CIITA: variants seen among roughly 807,000 people sequenced by gnomAD.
CIITA encodes the protein class II major histocompatibility complex transactivator.
In CIITA, 72 loss-of-function variants were observed where a neutral mutation model predicts 115.1. The observed-to-expected ratio is 0.63, with a 90% CI of 0.52 to 0.76. CIITA has a LOEUF of 0.76. Ranked by LOEUF, CIITA falls within the 30% of genes least tolerant of loss-of-function variation. The pLI, the probability that CIITA is intolerant of heterozygous loss-of-function variation, is 0.00. For synonymous variants in CIITA, 763 were observed against 635.6 expected (o/e 1.20, Z -3.02); for missense variants, 1,617 against 1,463.8 (o/e 1.10, Z -1.71).
intron 3 of CIITA, among the ~76,000 whole-genome samples, chr16:10,897,212 G>A (rs928425735): frequency 6.6e-6 from 1 of 152,190 alleles, no homozygotes; most frequent in Non-Finnish European, 1.5e-5. Flanking sequence ...CCAAGGTTAG[G>A]GGCTGCATCT....
chr16:10,883,166 G>A (rs780429423), intron 1 of CIITA, among the ~76,000 whole-genome samples: 1 of 152,106 alleles, frequency 6.6e-6, no homozygotes, highest in Non-Finnish European at 1.5e-5. Context: ...CTGGAGTGTG[G>A]GGCCTGGCTT....
chr16:10,910,156 C>T (rs2144799568), intron 12 of CIITA, 32 bp from the exon 13 acceptor site: 1 of 1,599,498 alleles, frequency 6.3e-7, no homozygotes, highest in Middle Eastern at 1.7e-4. Flanking sequence ...ACAGCAGTGC[C>T]TGCTCCCCCT....
chr16:10,891,042 TCTGA>T (rs552386053), intron 1 of CIITA, among the ~76,000 whole-genome samples: 1 of 152,284 alleles, frequency 6.6e-6, no homozygotes, highest in Admixed American at 6.5e-5. Context: ...AATTTATTTC[TCTGA>T]CTGTGTGCTT....
Position 10,891,655 on chromosome 16 carries a change from G to A in CIITA, c.53-3627G>A, listed in dbSNP as rs531346736. 2.6e-5 allele frequency among the ~76,000 whole-genome samples: 4 copies of A among 152,284 alleles called. No individual in the cohort carries two copies. The East Asian group carries it at 5.8e-4, about 22-fold the overall frequency. On this transcript the variant is annotated intron_variant, in intron 1 of 19. Coordinates refer to ENST00000324288, the MANE Select transcript of CIITA (RefSeq NM_000246.4). ...AATAAAGAGCATGGGTGGAATGGGA[G>A]GCGGGCATCAGGCAGGAGCTGGGGC...
chr16:10,872,715 A>C (rs773633405), upstream of CIITA, among the ~76,000 whole-genome samples: 5 of 152,142 alleles, frequency 3.3e-5, no homozygotes, highest in Non-Finnish European at 7.4e-5. Flanking sequence ...CTATCTCCCT[A>C]TTCACCGATC....
intron 1 of CIITA, among the ~76,000 whole-genome samples, chr16:10,892,631 C>T (rs1216467057): frequency 1.3e-5 from 2 of 152,104 alleles, no homozygotes; most frequent in Non-Finnish European, 2.9e-5. Context: ...AGGGTCTTTG[C>T]AGATAGAATT....
intron 1 of CIITA, 72 bp downstream of exon 1, chr16:10,877,454 G>T: frequency 6.7e-7 from 1 of 1,488,672 alleles, no homozygotes; most frequent in Admixed American, 1.9e-5. Flanking sequence ...GATAAACAGA[G>T]AAACCATTCT....
Position 10,922,525 on chromosome 16 carries a change from C to T in CIITA, c.3317+35C>T, listed in dbSNP as rs749926950. 2.5e-6 allele frequency: 4 copies of T among 1,607,012 alleles called. No individual in the cohort carries two copies. In the South Asian group the frequency reaches 3.3e-5, roughly 13 times the overall value. ...GGCAACCCTGGTGGGTGGAGAACAA[C>T]TCACTCCCCAGGCGTGTGGCCCAGT... On this transcript the variant is annotated intron_variant, in intron 18 of 19. Transcript: ENST00000324288.
Position 10,942,197 on chromosome 16 carries a change from C to A in CIITA, n.1323C>A. 2.3e-6 allele frequency: 1 copy of A among 437,940 alleles called. No individual in the cohort carries two copies. The highest frequency in any genetic ancestry group is 3.9e-6 in the Non-Finnish European group (1 of 257,780). The allele number at this position is 437,940 out of a possible 1,614,324, so 27.1% of individuals were successfully genotyped here. A position where few individuals can be genotyped will look rare whatever the true frequency, so the allele number is the denominator to read the frequency against. Reference sequence around the variant, plus strand: ...AATGCGCCGGGCGGGTCACCGCACCCCGAGATGTGCCCCCAAGGATCTCTC... The same window carrying A: ...AATGCGCCGGGCGGGTCACCGCACCACGAGATGTGCCCCCAAGGATCTCTC... On this transcript the variant is annotated non_coding_transcript_exon_variant, in exon 2 of 2. Transcript: ENST00000573379. The surrounding 1 kb of genome is among the most constrained non-coding windows in gnomAD (Gnocchi z 5.0).
Position 10,908,128 on chromosome 16 carries a change from T to A in CIITA, c.2636T>A (p.Leu879His). The change falls in exon 11 of 20, where the codon CTC becomes CAC. Residue 879 changes from leucine to histidine, a missense_variant. By Grantham distance (99) the Leu-to-His change is moderately conservative. Coordinates refer to ENST00000324288, the MANE Select transcript of CIITA (RefSeq NM_000246.4). ...TCTGGATTGGGGAGCCTCGTGGGAC[T>A]CAGCTGTGTCACCCGTTTCAGGTGG... ...CPSGLGSLVG[L>H]SCVTRFRAAL... 2 of 1,574,904 alleles carry A rather than the reference T, an allele frequency of 1.3e-6. No homozygotes were observed. The highest frequency in any genetic ancestry group is 1.7e-6 in the Non-Finnish European group (2 of 1,159,938).
intron 16 of CIITA, among the ~76,000 whole-genome samples, chr16:10,919,332 G>A (rs1373627192): frequency 6.6e-6 from 1 of 151,954 alleles, no homozygotes; most frequent in Non-Finnish European, 1.5e-5. Context: ...GAGTAGCTGG[G>A]ATTATAGGCG....
In CIITA at chr16:10,879,511, T is replaced by C. The variant is rs1182464115; in HGVS notation, c.52+2129T>C. Among the ~76,000 whole-genome samples the C allele has an allele frequency of 6.6e-6, 1 of 152,194 alleles. No individual in the cohort carries two copies. The highest frequency in any genetic ancestry group is 2.4e-5 in the African/African-American group (1 of 41,458). On this transcript the variant is annotated intron_variant, in intron 1 of 19. Transcript: ENST00000324288. This position sits in a 1 kb window ranked among gnomAD's most constrained non-coding sequence, Gnocchi z 4.3. Reference sequence around the variant, plus strand: ...ATCTCTAACTCTGGAATCTTGGGTATTGGGCTCTCCAGGCGGGGGGCCCTG... The same window carrying C: ...ATCTCTAACTCTGGAATCTTGGGTACTGGGCTCTCCAGGCGGGGGGCCCTG...
At chr16:10,921,319 A>G (rs1258220165) in intron 16 of CIITA, among the ~76,000 whole-genome samples, 2 of 152,114 alleles carry the variant, frequency 1.3e-5, no homozygotes, top group Non-Finnish European at 2.9e-5. Flanking sequence ...TCATCATGCT[A>G]TTTTCACTGC....
chr16:10,892,821 T>A (rs1224081631), intron 1 of CIITA, among the ~76,000 whole-genome samples: 1 of 152,124 alleles, frequency 6.6e-6, no homozygotes, highest in Non-Finnish European at 1.5e-5. Context: ...TAATCCCAGC[T>A]ACTCAGGAGA....
chr16:10,892,976 C>T (rs941632941), intron 1 of CIITA, among the ~76,000 whole-genome samples: 4 of 152,074 alleles, frequency 2.6e-5, no homozygotes, highest in Non-Finnish European at 4.4e-5. Flanking sequence ...ATGACATCAT[C>T]CTGGATTATC....
intron 7 of CIITA, 62 bp downstream of exon 7, chr16:10,902,246 A>G: frequency 6.2e-7 from 1 of 1,603,518 alleles, no homozygotes; most frequent in Non-Finnish European, 8.5e-7. Context: ...TAAGGAGTTG[A>G]CACTAAGGCA....
At chr16:10,887,974 TATA>T (rs2037132132) in intron 1 of CIITA, among the ~76,000 whole-genome samples, 1 of 152,184 alleles carries the variant, frequency 6.6e-6, no homozygotes, top group Non-Finnish European at 1.5e-5. Context: ...GTAAAATGGC[TATA>T]ATAACAACAA....
Position 10,902,709 on chromosome 16 carries a change from T to C in CIITA, c.680T>C (p.Ile227Thr), listed in dbSNP as rs765306236. The C allele has an allele frequency of 2.5e-6, 4 of 1,614,082 alleles. No individual in the cohort carries two copies. The highest frequency in any genetic ancestry group is 1.1e-5 in the South Asian group (1 of 91,092). The change falls in exon 8 of 20, where the codon ATC becomes ACC. Residue 227 changes from isoleucine to threonine, a missense_variant. Transcript: ENST00000324288. ...LSCLNLPEGP[I>T]QFVPTISTLP... is the part of the protein sequence containing the mutation. Reference sequence around the variant, plus strand: ...TGCCTGAATCTCCCTGAGGGACCCATCCAGTTTGTCCCCACCATCTCCACT... The same window carrying C: ...TGCCTGAATCTCCCTGAGGGACCCACCCAGTTTGTCCCCACCATCTCCACT...
In CIITA at chr16:10,898,978, G is replaced by A; in HGVS notation, c.412G>A (p.Val138Ile). Residue 138 changes from valine (V) to isoleucine (I), a missense_variant, in exon 5 of 20, where the codon GTT (valine) becomes ATT (isoleucine). Coordinates refer to ENST00000324288, the MANE Select transcript of CIITA (RefSeq NM_000246.4). ...IGESMEMPAEVGQKSQKRPFP... is the reference protein window; with the variant it reads ...IGESMEMPAEIGQKSQKRPFP... ...TGAGAGTATGGAGATGCCAGCAGAA[G>A]TTGGGCAGAAAAGTCAGAAAAGACG... 6.2e-7 allele frequency: 1 copy of A among 1,614,116 alleles called. No individual in the cohort carries two copies.
Sources: allele counts gnomAD v4.1 joint callset (sites outside exome capture counted in the v4.1 genomes callset), GRCh38; gene constraint gnomAD v4.1.1; non-coding constraint Gnocchi (gnomAD v3.1); transcripts MANE v1.5; gene names NCBI Gene and HGNC (gene_info 2026-07-23, HGNC 2026-07-21).